Variants in ASS1 observed in about 807,000 individuals in gnomAD.
ASS1 encodes the protein argininosuccinate synthase 1.
In ASS1, 58 loss-of-function variants were observed where a neutral mutation model predicts 60.5. That is an observed-to-expected ratio of 0.96 (90% CI 0.78 to 1.19). The LOEUF is 1.19. Ranked by LOEUF, ASS1 falls within the 50% of genes most tolerant of loss-of-function variation. The pLI, the probability that ASS1 is intolerant of heterozygous loss-of-function variation, is 0.00. For missense variants in ASS1, 454 were observed against 547.3 expected (o/e 0.83, Z 1.70); for synonymous variants, 200 against 206.9 (o/e 0.97, Z 0.29).
At chr9:130,466,538 G>T in intron 5 of ASS1, 187 bp from the exon 6 acceptor site, 1 of 648,136 alleles carries the variant, frequency 1.5e-6, no homozygotes, top group South Asian at 1.8e-5. Flanking sequence ...AGCCAGCCCC[G>T]GTGAGGGAGT....
At chr9:130,492,946 T>C (rs1228371055) in intron 12 of ASS1, among the ~76,000 whole-genome samples, 2 of 152,100 alleles carry the variant, frequency 1.3e-5, no homozygotes, top group Non-Finnish European at 1.5e-5. Flanking sequence ...GGGGCAGAGG[T>C]AGAAAATTCT....
intron 4 of ASS1, among the ~76,000 whole-genome samples, chr9:130,462,098 G>C (rs1211618258): frequency 1.3e-5 from 2 of 151,858 alleles, no homozygotes; most frequent in African/African-American, 4.8e-5. Context: ...CCCCACCCCT[G>C]CCCACCCAGA....
intron 9 of ASS1, among the ~76,000 whole-genome samples, chr9:130,479,106 C>G (rs958404315): frequency 1.3e-5 from 2 of 151,952 alleles, no homozygotes; most frequent in South Asian, 2.1e-4. Context: ...CCCACTGCCC[C>G]CACCCAACCC....
intron 3 of ASS1, among the ~76,000 whole-genome samples, chr9:130,457,567 G>C (rs1400152560): frequency 6.6e-6 from 1 of 152,162 alleles, no homozygotes; most frequent in Admixed American, 6.5e-5. Flanking sequence ...TCTGGATCGG[G>C]GTTTCTCAGT....
At chr9:130,467,202 C>G (rs1186069774) in intron 6 of ASS1, among the ~76,000 whole-genome samples, 1 of 152,174 alleles carries the variant, frequency 6.6e-6, no homozygotes, top group Admixed American at 6.5e-5. Context: ...TGATCGGGAG[C>G]TGTTCTCCCA....
At chr9:130,471,440 C>T in intron 7 of ASS1, 45 bp from the exon 8 acceptor site, 2 of 1,609,568 alleles carry the variant, frequency 1.2e-6, no homozygotes, top group Non-Finnish European at 8.5e-7. Context: ...GGGGACATGC[C>T]ATGTCCCTCC....
chr9:130,468,411 T>A (rs959914638), intron 6 of ASS1, among the ~76,000 whole-genome samples: 14 of 151,668 alleles, frequency 9.2e-5, no homozygotes, highest in African/African-American at 3.4e-4. Context: ...CACCATAATT[T>A]AAAAAAAAAT....
At chr9:130,475,818 G>A (rs1391643809) in intron 8 of ASS1, among the ~76,000 whole-genome samples, 1 of 150,158 alleles carries the variant, frequency 6.7e-6, no homozygotes, top group African/African-American at 2.5e-5. Flanking sequence ...GTGCAGTGGT[G>A]CAATCTCGGC....
chr9:130,499,700 C>A, intron 14 of ASS1, 130 bp downstream of exon 14: 2 of 888,146 alleles, frequency 2.3e-6, no homozygotes, highest in Non-Finnish European at 3.6e-6. Context: ...CCTGCCCTGC[C>A]CTAGACAAAC....
chr9:130,473,075 A>T (rs1845911133), intron 8 of ASS1, among the ~76,000 whole-genome samples: 1 of 152,186 alleles, frequency 6.6e-6, no homozygotes, highest in Non-Finnish European at 1.5e-5. Context: ...CTCCTGTCTC[A>T]TGAGGGCATT....
At chr9:130,466,884 G>A in intron 6 of ASS1, 85 bp downstream of exon 6, 3 of 1,479,530 alleles carry the variant, frequency 2.0e-6, no homozygotes, top group Non-Finnish European at 1.9e-6. Context: ...GTCTGAGCCA[G>A]TGGCCTAGGC....
chr9:130,487,861 C>T (rs1846345747), intron 11 of ASS1, among the ~76,000 whole-genome samples: 1 of 152,086 alleles, frequency 6.6e-6, no homozygotes, highest in Non-Finnish European at 1.5e-5. Context: ...AGTGATCCTC[C>T]TGCCTCAGCC....
In ASS1 at chr9:130,479,993, C is replaced by T. The variant is rs1846128373; in HGVS notation, c.773+193C>T. On this transcript the variant is annotated intron_variant, in intron 10 of 14. Transcript: ENST00000352480. ...CAGGAGAGGCTCCGTGGTCCTTAGC[C>T]TTGGAAGATAACAACCCCAGGAGGT... 6.6e-6 allele frequency: 5 copies of T among 752,564 alleles called. 1 individual carries two copies. Among genetic ancestry groups the T allele is most frequent in the Admixed American group, 4.0e-5 (2 of 50,548 alleles). The allele number at this position is 752,564 out of a possible 1,614,324, so 46.6% of individuals were successfully genotyped here. A position where few individuals can be genotyped will look rare whatever the true frequency, so the allele number is the denominator to read the frequency against.
At position 130,470,808 on chromosome 9, in the gene ASS1, C is replaced by A. The variant is rs1386620165; in HGVS notation, c.496-26C>A. On this transcript the variant is annotated intron_variant, in intron 6 of 14. Coordinates refer to ENST00000352480, the MANE Select transcript of ASS1 (RefSeq NM_054012.4). This position sits in a 1 kb window ranked among gnomAD's most constrained non-coding sequence, Gnocchi z 4.3. ...ACGCGTCCTTCCAGCCGCCTTACCT[C>A]CACCTGTGCTGTCTCTTTCCTGCAG... is the stretch of plus-strand genomic sequence containing the variant. 3 of 1,612,296 alleles carry A rather than the reference C, an allele frequency of 1.9e-6. No homozygotes were observed. The highest frequency in any genetic ancestry group is 8.5e-7 in the Non-Finnish European group (1 of 1,178,556).
intron 11 of ASS1, among the ~76,000 whole-genome samples, chr9:130,482,284 G>A (rs1846190847): frequency 1.3e-5 from 2 of 151,848 alleles, no homozygotes; most frequent in African/African-American, 4.8e-5. Context: ...TGTGGAATGG[G>A]GACAGAAGCA....
rs1451901288 is a variant in ASS1 at position 130,489,791 on chromosome 9, C to T, written c.970+327C>T. ...CCAGGCACTGGGCACTGTGCGGCGACATGCATCACCCCGCATGGTCCTCAC... is the reference window on the plus strand; with the variant it reads ...CCAGGCACTGGGCACTGTGCGGCGATATGCATCACCCCGCATGGTCCTCAC... On this transcript the variant is annotated intron_variant, in intron 12 of 14. Coordinates refer to ENST00000352480, the MANE Select transcript of ASS1 (RefSeq NM_054012.4). This position sits in a 1 kb window ranked among gnomAD's most constrained non-coding sequence, Gnocchi z 4.1. Among the ~76,000 whole-genome samples, 1 of 152,266 alleles carries T rather than the reference C, an allele frequency of 6.6e-6. No homozygotes were observed. Among genetic ancestry groups the T allele is most frequent in the Non-Finnish European group, 1.5e-5 (1 of 68,046 alleles).
chr9:130,451,918 T>G (rs1186259804), intron 1 of ASS1: 3 of 552,960 alleles, frequency 5.4e-6, no homozygotes, highest in Non-Finnish European at 1.0e-5. Context: ...CTGCTCAGCC[T>G]CAGCCGCCTT....
In ASS1 at chr9:130,470,810, A is replaced by G. The variant is rs764897454; in HGVS notation, c.496-24A>G. The G allele has an allele frequency of 6.2e-6, 10 of 1,612,554 alleles. No individual in the cohort carries two copies. Among genetic ancestry groups the G allele is most frequent in the Non-Finnish European group, 8.5e-6 (10 of 1,178,826 alleles). On this transcript the variant is annotated intron_variant, in intron 6 of 14. Transcript: ENST00000352480. This position sits in a 1 kb window ranked among gnomAD's most constrained non-coding sequence, Gnocchi z 4.3. ...GCGTCCTTCCAGCCGCCTTACCTCC[A>G]CCTGTGCTGTCTCTTTCCTGCAGCA...
intron 11 of ASS1, among the ~76,000 whole-genome samples, chr9:130,483,338 AT>A (rs1371074313): frequency 1.6e-5 from 1 of 61,870 alleles, no homozygotes; most frequent in Non-Finnish European, 2.9e-5. Flanking sequence ...TTAAGGGCTG[AT>A]TTTTTTCTCT....
Sources: gnomAD v4.1 joint callset for allele counts (sites outside exome capture counted in the v4.1 genomes callset) on GRCh38, gnomAD v4.1.1 for gene constraint, Gnocchi (gnomAD v3.1) non-coding constraint, MANE v1.5 for transcripts, NCBI Gene and HGNC (gene_info 2026-07-23, HGNC 2026-07-21) for gene names.